ISY1: variants seen among roughly 807,000 people sequenced by gnomAD.
ISY1 encodes ISY1 spliceosome associated protein.
In ISY1, 12 loss-of-function variants were observed where a neutral mutation model predicts 54.4. That is an observed-to-expected ratio of 0.22 (90% confidence interval 0.14 to 0.36). The LOEUF (loss-of-function observed/expected upper bound fraction) is 0.36. Ranked by LOEUF, ISY1 falls within the 10% of genes least tolerant of loss-of-function variation. ISY1 has a pLI of 1.00. For missense variants in ISY1, 282 were observed against 342.2 expected (o/e 0.82, Z 1.39); for synonymous variants, 96 against 117.9 (o/e 0.81, Z 1.20).
At chr3:129,140,851 G>A (rs1936585029) in intron 6 of ISY1, among the ~76,000 whole-genome samples, 1 of 151,972 alleles carries the variant, frequency 6.6e-6, no homozygotes, top group South Asian at 2.1e-4. Context: ...TTACAGGCGT[G>A]AGCCACTGCG....
chr3:129,159,774 G>C (rs1415894829), intron 1 of ISY1, among the ~76,000 whole-genome samples: 3 of 152,188 alleles, frequency 2.0e-5, no homozygotes, highest in Admixed American at 6.5e-5. Context: ...GTGAGAAGTA[G>C]TCTCTCTATC....
intron 10 of ISY1, 83 bp downstream of exon 10, chr3:129,130,467 C>T: frequency 6.5e-7 from 1 of 1,526,880 alleles, no homozygotes; most frequent in South Asian, 1.2e-5. Flanking sequence ...GTAGGAAGGA[C>T]AACGAAAACC....
intron 5 of ISY1, among the ~76,000 whole-genome samples, chr3:129,151,502 G>C (rs576193641): frequency 8.7e-4 from 132 of 152,042 alleles, no homozygotes; most frequent in African/African-American, 3.2e-3. Flanking sequence ...GGTGGCACAT[G>C]CCTGTAGTCC....
chr3:129,148,894 T>C (rs750982218), intron 5 of ISY1, among the ~76,000 whole-genome samples: 23 of 152,232 alleles, frequency 1.5e-4, no homozygotes, highest in Non-Finnish European at 2.9e-4. Flanking sequence ...GTAAAGTATC[T>C]GTTCAAAATT....
chr3:129,130,340 T>G, intron 10 of ISY1, 152 bp from the exon 11 acceptor site: 2 of 1,262,622 alleles, frequency 1.6e-6, no homozygotes, highest in Non-Finnish European at 2.1e-6. Context: ...CTCCCTCCCA[T>G]TGGAAACATT....
intron 7 of ISY1, among the ~76,000 whole-genome samples, chr3:129,135,379 T>C (rs181869482): frequency 6.6e-6 from 1 of 151,828 alleles, no homozygotes; most frequent in African/African-American, 2.4e-5. Flanking sequence ...GACACTTTTC[T>C]ATACTATTCA....
intron 3 of ISY1, among the ~76,000 whole-genome samples, chr3:129,158,157 C>G (rs2342286): frequency 0.078 from 10,952 of 141,152 alleles, 1,351 homozygotes; most frequent in African/African-American, 0.26. Context: ...CTGCACCCTA[C>G]TTTTTTTTTT....
intron 7 of ISY1, among the ~76,000 whole-genome samples, chr3:129,140,048 A>T (rs1246223986): frequency 6.6e-6 from 1 of 152,200 alleles, no homozygotes; most frequent in Non-Finnish European, 1.5e-5. Flanking sequence ...TGATTCAATG[A>T]ACTTCAGAGC....
At chr3:129,138,292 A>G (rs1187207180) in intron 7 of ISY1, among the ~76,000 whole-genome samples, 1 of 149,308 alleles carries the variant, frequency 6.7e-6, no homozygotes. Flanking sequence ...AAAAAAAAAG[A>G]GCTCGAGACC....
intron 1 of ISY1, 46 bp from the exon 2 acceptor site, chr3:129,159,222 AT>A (rs1411440163): frequency 3.2e-6 from 5 of 1,583,768 alleles, no homozygotes; most frequent in East Asian, 2.2e-5. Flanking sequence ...TTTAAAATAT[AT>A]TTTTTTCTTG....
At chr3:129,137,315 C>G in intron 7 of ISY1, 1 of 545,774 alleles carries the variant, frequency 1.8e-6, no homozygotes, top group Non-Finnish European at 2.3e-6. Context: ...GACTTTAACT[C>G]TATCTGTGCT....
chr3:129,157,784 C>T (rs1463361283), intron 3 of ISY1, among the ~76,000 whole-genome samples: 1 of 150,518 alleles, frequency 6.6e-6, no homozygotes, highest in Middle Eastern at 3.3e-3. Flanking sequence ...GAAAAACAAG[C>T]AGCCAGATCC....
Position 129,128,482 on chromosome 3 carries a change from GC to G in ISY1, c.*1598del. On this transcript the variant is annotated 3_prime_UTR_variant, in exon 11 of 11. Coordinates refer to ENST00000393295, the MANE Select transcript of ISY1 (RefSeq NM_020701.4). ...GGTCCTGCCTGGGCCTCTCCTTGTG[GC>G]CGCACGGAGCGTCCTCAAGCAAGTC... 1 of 152,652 alleles carries G rather than the reference GC, an allele frequency of 6.6e-6. No individual in the cohort carries two copies. The highest frequency in any genetic ancestry group is 1.9e-4 in the East Asian group (1 of 5,180). The allele number at this position is 152,652 out of a possible 1,614,324, so 9.5% of individuals were successfully genotyped here.
At chr3:129,158,462 A>G (rs1002182312) in intron 3 of ISY1, 46 bp downstream of exon 3, 1 of 1,610,358 alleles carries the variant, frequency 6.2e-7, no homozygotes. Flanking sequence ...CCCAGCCTGC[A>G]TTTATTCTTG....
rs1344832608 is a variant in ISY1, at chr3:129,160,880, T to C, written c.3+93A>G. 6 of 1,474,614 alleles carry C rather than the reference T, an allele frequency of 4.1e-6. No homozygotes were observed. The Admixed American group carries it at 1.2e-4, about 29-fold the overall frequency. 91.3% of individuals were successfully genotyped at this position (1,474,614 alleles called of 1,614,324 possible). On this transcript the variant is annotated intron_variant, in intron 1 of 10. Coordinates refer to ENST00000393295, the MANE Select transcript of ISY1 (RefSeq NM_020701.4). ...CTTGAAGCCCTCAGCACTGCACGTC[T>C]GAGCCTCTACCGAATGAGCGCCCCA...
At chr3:129,157,104 A>T (rs1278535867) in intron 3 of ISY1, among the ~76,000 whole-genome samples, 184 bp from the exon 4 acceptor site, 1 of 152,198 alleles carries the variant, frequency 6.6e-6, no homozygotes, top group East Asian at 1.9e-4. Context: ...AAAAACATTG[A>T]TTGCATTGTA....
At chr3:129,134,260 G>A in intron 8 of ISY1, 65 bp from the exon 9 acceptor site, 2 of 1,607,934 alleles carry the variant, frequency 1.2e-6, no homozygotes. Context: ...ACTATGCAGG[G>A]AAAGGCCAAC....
At chr3:129,140,280 A>C (rs1189549074) in intron 7 of ISY1, 88 bp downstream of exon 7, 7 of 1,181,468 alleles carry the variant, frequency 5.9e-6, no homozygotes, top group South Asian at 4.6e-5. Flanking sequence ...TGCAACTAAG[A>C]AAAAAAAGTA....
intron 5 of ISY1, among the ~76,000 whole-genome samples, chr3:129,156,110 T>C (rs1937128102): frequency 6.6e-6 from 1 of 151,996 alleles, no homozygotes; most frequent in South Asian, 2.1e-4. Flanking sequence ...AAAAAGACCA[T>C]GTATTAGGCC....
Sources: gnomAD v4.1 joint callset for allele counts (sites outside exome capture counted in the v4.1 genomes callset) on GRCh38, gnomAD v4.1.1 for gene constraint, MANE v1.5 for transcripts, NCBI Gene and HGNC (gene_info 2026-07-23, HGNC 2026-07-21) for gene names.